Variants in CUX1 observed in about 807,000 individuals in gnomAD.
The protein encoded by CUX1 is protein CASP.
Under a neutral mutation model 158.8 loss-of-function variants are expected in CUX1, and 31 were observed. That is an observed-to-expected ratio of 0.20 (90% CI 0.15 to 0.26). The LOEUF is 0.26. Among genes scored for constraint, CUX1 ranks in the 10% least tolerant of loss-of-function variants. The pLI is 1.00. For missense variants in CUX1, 1,589 were observed against 2,014.6 expected, an observed-to-expected ratio of 0.79 and a Z score of 4.04; for synonymous variants, 879 against 862.1, an observed-to-expected ratio of 1.02 and a Z score of -0.34.
At chr7:102,019,283 A>G (rs1390782125) in intron 2 of CUX1, among the ~76,000 whole-genome samples, 1 of 151,482 alleles carries the variant, frequency 6.6e-6, no homozygotes, top group African/African-American at 2.4e-5. Context: ...GCTGGAGTGC[A>G]GTGGCACAAT....
chr7:101,873,729 G>A (rs913242358), intron 1 of CUX1, among the ~76,000 whole-genome samples: 6 of 152,026 alleles, frequency 3.9e-5, no homozygotes, highest in Non-Finnish European at 7.4e-5. Context: ...GATTACAGGC[G>A]TGCACTACCA....
At chr7:102,160,803 G>C (rs970449417) in intron 9 of CUX1, among the ~76,000 whole-genome samples, 8 of 152,168 alleles carry the variant, frequency 5.3e-5, no homozygotes, top group African/African-American at 1.9e-4. Context: ...GAAATACGAA[G>C]TTGTTGTTAA....
At chr7:102,278,211 C>T (rs1012696341) in intron 18 of CUX1, 11 of 504,976 alleles carry the variant, frequency 2.2e-5, no homozygotes, top group Non-Finnish European at 4.0e-5. Context: ...GACATCTCCC[C>T]ACCCACCCAC....
intron 3 of CUX1, among the ~76,000 whole-genome samples, chr7:102,058,234 A>T (rs1013360748): frequency 3.9e-5 from 6 of 152,200 alleles, no homozygotes; most frequent in Non-Finnish European, 8.8e-5. Context: ...CAAAAAATTT[A>T]TGTGACTTGC....
chr7:102,007,958 T>C (rs1012646351), intron 2 of CUX1, among the ~76,000 whole-genome samples: 1 of 152,152 alleles, frequency 6.6e-6, no homozygotes, highest in Non-Finnish European at 1.5e-5. Flanking sequence ...TTGGTCAGGC[T>C]GGTCTCGAAC....
chr7:101,937,411 G>A (rs1403690612), intron 2 of CUX1, among the ~76,000 whole-genome samples: 2 of 152,220 alleles, frequency 1.3e-5, no homozygotes, highest in African/African-American at 4.8e-5. Flanking sequence ...TTTGGCATAG[G>A]CCAGGGTTAT....
chr7:102,277,962 C>T, exon 18 of CUX1: 1 of 1,477,700 alleles, frequency 6.8e-7, no homozygotes, highest in Non-Finnish European at 9.1e-7. Flanking sequence ...AACCGCCTGG[C>T]CCAGCACACC....
chr7:101,816,756 C>CCGG (rs1171238328), upstream of CUX1, among the ~76,000 whole-genome samples: 163 of 143,022 alleles, frequency 1.1e-3, 2 homozygotes, highest in Non-Finnish European at 1.9e-3. Flanking sequence ...AGAGCGGCCA[C>CCGG]CGGCGGCGGC....
intron 1 of CUX1, among the ~76,000 whole-genome samples, chr7:101,903,370 G>T (rs1802366764): frequency 6.6e-6 from 1 of 152,170 alleles, no homozygotes; most frequent in Non-Finnish European, 1.5e-5. Context: ...GGCTGGCTGG[G>T]TCGGGGGAAT....
At chr7:101,912,119 G>A (rs150052128) in intron 1 of CUX1, among the ~76,000 whole-genome samples, 37 of 152,162 alleles carry the variant, frequency 2.4e-4, no homozygotes, top group Middle Eastern at 3.4e-3. Context: ...AGTTCTGAGC[G>A]GATACCCTCC....
intron 2 of CUX1, among the ~76,000 whole-genome samples, chr7:102,013,752 T>G (rs2129301705): frequency 6.6e-6 from 1 of 152,322 alleles, no homozygotes; most frequent in Admixed American, 6.5e-5. Context: ...TCTCCCAGGC[T>G]GGAGTGCAGT....
intron 2 of CUX1, among the ~76,000 whole-genome samples, chr7:101,951,276 A>C (rs1409371275): frequency 2.0e-5 from 3 of 151,698 alleles, no homozygotes; most frequent in Non-Finnish European, 2.9e-5. Context: ...GGTTGCAGTG[A>C]GCCAAGATCA....
At chr7:101,848,763 G>C (rs890505581) in intron 1 of CUX1, among the ~76,000 whole-genome samples, 3 of 151,688 alleles carry the variant, frequency 2.0e-5, no homozygotes, top group Admixed American at 2.0e-4. Flanking sequence ...TGTAGTGCAA[G>C]CACTTAGGGA....
At chr7:102,012,355 T>A (rs568982822) in intron 2 of CUX1, among the ~76,000 whole-genome samples, 19 of 151,986 alleles carry the variant, frequency 1.3e-4, no homozygotes, top group African/African-American at 4.6e-4. Flanking sequence ...GCCTGGCTAA[T>A]TTTTGTATTT....
intron 9 of CUX1, among the ~76,000 whole-genome samples, chr7:102,159,501 C>T (rs1005713598): frequency 2.6e-5 from 4 of 152,206 alleles, no homozygotes; most frequent in African/African-American, 9.7e-5. Flanking sequence ...CCCCTTCCTC[C>T]CCCCAGGAGC....
At chr7:101,935,558 G>A (rs925732761) in intron 2 of CUX1, among the ~76,000 whole-genome samples, 5 of 152,336 alleles carry the variant, frequency 3.3e-5, no homozygotes, top group Admixed American at 3.3e-4. Context: ...GGGCACTCCT[G>A]GCCCAGCTGG....
At chr7:102,155,038 A>G (rs1836114426) in intron 8 of CUX1, among the ~76,000 whole-genome samples, 1 of 152,192 alleles carries the variant, frequency 6.6e-6, no homozygotes, top group African/African-American at 2.4e-5. Flanking sequence ...TTTCATTGTC[A>G]TCTTTTAAAT....
chr7:101,996,147 G>A (rs904446753), intron 2 of CUX1, among the ~76,000 whole-genome samples: 21 of 151,990 alleles, frequency 1.4e-4, no homozygotes, highest in African/African-American at 5.1e-4. Flanking sequence ...AGGACCATCT[G>A]CCTATGTTCC....
At position 102,006,578 on chromosome 7, in the gene CUX1, G is replaced by T. The variant is rs948106266; in HGVS notation, c.142-21520G>T. ...CACCTGGCTAATTTTTGTATTTTTA[G>T]TAGAGATGGAGTTTCACTATGTTGG... On this transcript the variant is annotated intron_variant, in intron 2 of 23. Transcript: ENST00000292535. Among the ~76,000 whole-genome samples the T allele has an allele frequency of 2.6e-5, 4 of 152,164 alleles. No homozygotes were observed. In the East Asian group the frequency reaches 7.7e-4, roughly 29 times the overall value.
Sources: allele counts gnomAD v4.1 joint callset (sites outside exome capture counted in the v4.1 genomes callset), GRCh38; gene constraint gnomAD v4.1.1; transcripts MANE v1.5; gene names NCBI Gene and HGNC (gene_info 2026-07-23, HGNC 2026-07-21).